Variants in CTNND2 observed in about 807,000 individuals in gnomAD.
CTNND2 encodes catenin delta 2.
Under a neutral mutation model 144.4 loss-of-function variants are expected in CTNND2, and 22 were observed. The observed-to-expected ratio is 0.15, with a 90% CI of 0.11 to 0.22. The LOEUF is 0.22. Among genes scored for constraint, CTNND2 ranks in the 10% least tolerant of loss-of-function variants. The pLI, the probability that CTNND2 is intolerant of heterozygous loss-of-function variation, is 1.00. For synonymous variants in CTNND2, 751 were observed against 695.6 expected (o/e 1.08, Z -1.25); for missense variants, 1,353 against 1,618.8 (o/e 0.84, Z 2.82).
At chr5:11,152,663 G>A (rs1757848420) in intron 12 of CTNND2, among the ~76,000 whole-genome samples, 1 of 152,194 alleles carries the variant, frequency 6.6e-6, no homozygotes, top group South Asian at 2.1e-4. Flanking sequence ...CTCGTCACTG[G>A]TGGAGCTGCT....
intron 7 of CTNND2, among the ~76,000 whole-genome samples, chr5:11,382,595 C>CTG (rs71582432): frequency 0.023 from 3,020 of 130,006 alleles, 48 homozygotes; most frequent in African/African-American, 0.031. Flanking sequence ...GAGTGAGACT[C>CTG]TGTGTGTGTG....
chr5:11,799,024 G>A (rs1483988817), intron 1 of CTNND2, among the ~76,000 whole-genome samples: 1 of 152,136 alleles, frequency 6.6e-6, no homozygotes, highest in Admixed American at 6.5e-5. Context: ...TGAAATACTT[G>A]AGGCTGAATC....
intron 2 of CTNND2, among the ~76,000 whole-genome samples, chr5:11,671,231 G>C (rs1302875039): frequency 1.3e-5 from 2 of 152,072 alleles, no homozygotes; most frequent in Non-Finnish European, 2.9e-5. Context: ...TTTCAACCTT[G>C]GTGAATCTGA....
At chr5:11,089,256 T>G (rs1311501035) in intron 15 of CTNND2, among the ~76,000 whole-genome samples, 1 of 147,392 alleles carries the variant, frequency 6.8e-6, no homozygotes, top group Non-Finnish European at 1.5e-5. Context: ...GTTAGCACTC[T>G]CCTAAATACT....
At chr5:11,038,956 G>C (rs1744383980) in intron 16 of CTNND2, among the ~76,000 whole-genome samples, 1 of 152,148 alleles carries the variant, frequency 6.6e-6, no homozygotes. Context: ...CATTATAACT[G>C]TAAAGGCAAA....
At chr5:10,982,932 T>C (rs1351730757) in intron 20 of CTNND2, among the ~76,000 whole-genome samples, 1 of 152,096 alleles carries the variant, frequency 6.6e-6, no homozygotes, top group African/African-American at 2.4e-5. Context: ...CACGCACATG[T>C]GGAATATGCG....
intron 20 of CTNND2, among the ~76,000 whole-genome samples, chr5:10,982,248 A>C (rs563144654): frequency 6.6e-6 from 1 of 152,364 alleles, no homozygotes; most frequent in African/African-American, 2.4e-5. Flanking sequence ...ACAAGAATAA[A>C]ATTTCTAATT....
chr5:11,717,653 G>A (rs1395580826), intron 2 of CTNND2, among the ~76,000 whole-genome samples: 1 of 152,038 alleles, frequency 6.6e-6, no homozygotes, highest in South Asian at 2.1e-4. Context: ...AATTCAGCAT[G>A]GCTAAGGAGG....
chr5:11,553,705 A>G (rs1775973445), intron 3 of CTNND2, among the ~76,000 whole-genome samples: 1 of 152,148 alleles, frequency 6.6e-6, no homozygotes, highest in African/African-American at 2.4e-5. Context: ...AAGCTCTAAG[A>G]AGAAGAGAAA....
chr5:11,102,247 T>C (rs1158123746), intron 14 of CTNND2, among the ~76,000 whole-genome samples: 1 of 152,208 alleles, frequency 6.6e-6, no homozygotes, highest in African/African-American at 2.4e-5. Flanking sequence ...AAATTACACT[T>C]TGTGCAAGTC....
At chr5:11,393,191 T>C (rs1759784358) in intron 6 of CTNND2, among the ~76,000 whole-genome samples, 1 of 152,252 alleles carries the variant, frequency 6.6e-6, no homozygotes, top group African/African-American at 2.4e-5. Flanking sequence ...AATGGAAATT[T>C]TGTTTCTCAA....
At chr5:11,162,362 G>T (rs1284030752) in intron 11 of CTNND2, among the ~76,000 whole-genome samples, 1 of 152,108 alleles carries the variant, frequency 6.6e-6, no homozygotes, top group African/African-American at 2.4e-5. Flanking sequence ...AGAAGTGAAA[G>T]AATGGAAAGG....
chr5:11,599,894 A>G (rs1779696315), intron 2 of CTNND2, among the ~76,000 whole-genome samples: 2 of 152,152 alleles, frequency 1.3e-5, no homozygotes, highest in African/African-American at 4.8e-5. Context: ...TTCTGTCGGC[A>G]TTCTATGGCC....
intron 2 of CTNND2, among the ~76,000 whole-genome samples, chr5:11,695,858 T>G (rs777559490): frequency 2.6e-5 from 4 of 152,250 alleles, no homozygotes; most frequent in African/African-American, 9.6e-5. Flanking sequence ...TGATATTATA[T>G]ATAAAGTCTT....
chr5:11,822,101 G>A (rs61761581), intron 1 of CTNND2, among the ~76,000 whole-genome samples: 2 of 152,164 alleles, frequency 1.3e-5, no homozygotes, highest in Admixed American at 6.5e-5. Context: ...TAGGTAAATT[G>A]TAAAAACTAT....
At chr5:10,992,735 G>A (rs891738802) in intron 18 of CTNND2, 58 bp from the exon 19 acceptor site, 51 of 1,584,418 alleles carry the variant, frequency 3.2e-5, no homozygotes, top group Middle Eastern at 1.7e-4. Context: ...TTTCACCTCC[G>A]GACATTTTTA....
chr5:11,693,540 A>T (rs1340233325), intron 2 of CTNND2, among the ~76,000 whole-genome samples: 2 of 152,252 alleles, frequency 1.3e-5, no homozygotes, highest in African/African-American at 4.8e-5. Context: ...AAAGGATTAC[A>T]TGGCACACAT....
intron 1 of CTNND2, among the ~76,000 whole-genome samples, chr5:11,846,045 C>T (rs1250093998): frequency 2.0e-5 from 3 of 152,008 alleles, no homozygotes; most frequent in South Asian, 4.1e-4. Context: ...GAATGAATGG[C>T]TAATAGAGAA....
Position 11,022,965 on chromosome 5 carries a change from G to C in CTNND2, c.2803C>G (p.Arg935Gly). Reference sequence around the variant, plus strand: ...CCTGGAAGCCTGTGGACTAGGTCTCGCATGGCGTATTTGCCTGGAAAAGAA... The same window carrying C: ...CCTGGAAGCCTGTGGACTAGGTCTCCCATGGCGTATTTGCCTGGAAAAGAA... ...NKELIGKYAM[R>G]DLVHRLPGGN... Residue 935 changes from arginine (R) to glycine (G), a missense_variant, in exon 17 of 22, where the codon CGA becomes GGA. Coordinates refer to ENST00000304623, the MANE Select transcript of CTNND2 (RefSeq NM_001332.4). 5 of 1,614,104 alleles carry C rather than the reference G, an allele frequency of 3.1e-6. No individual in the cohort carries two copies.
Sources: gnomAD v4.1 joint callset for allele counts (sites outside exome capture counted in the v4.1 genomes callset) on GRCh38, gnomAD v4.1.1 for gene constraint, MANE v1.5 for transcripts, NCBI Gene and HGNC (gene_info 2026-07-23, HGNC 2026-07-21) for gene names.